DPP4: variants seen among roughly 807,000 people sequenced by gnomAD.
DPP4 encodes ADCP-2.
In DPP4, 93 loss-of-function variants were observed where a neutral mutation model predicts 122.4. The observed-to-expected ratio is 0.76, with a 90% confidence interval of 0.64 to 0.90. The LOEUF (loss-of-function observed/expected upper bound fraction) is 0.90, where lower values mean the gene tolerates loss of function less well. Ranked by LOEUF, DPP4 falls within the 40% of genes least tolerant of loss-of-function variation. The pLI, the probability that DPP4 is intolerant of heterozygous loss-of-function variation, is 0.00. For synonymous variants in DPP4, 321 were observed against 302.9 expected, an observed-to-expected ratio of 1.06 and a Z score of -0.62; for missense variants, 914 against 907.3, an observed-to-expected ratio of 1.01 and a Z score of -0.09.
rs575153392 is a variant in DPP4 at position 162,041,015 on chromosome 2, T to C, written c.367-1831A>G. Among the ~76,000 whole-genome samples, 8 of 152,176 alleles carry C rather than the reference T, an allele frequency of 5.3e-5. No homozygotes were observed. The East Asian group carries it at 7.7e-4, about 15-fold the overall frequency. ...GAGAAATGCAATTTACAAAAAACTA[T>C]AGGATTTTATTTTTATAGACCAAGC... On this transcript the variant is annotated intron_variant, in intron 5 of 25. Transcript: ENST00000360534.
chr2:162,073,545 G>A (rs1414382903), intron 1 of DPP4, 59 bp from the exon 2 acceptor site: 7 of 1,553,340 alleles, frequency 4.5e-6, no homozygotes, highest in Middle Eastern at 2.1e-4. Flanking sequence ...AGTTTCCGTA[G>A]GAGGGTCGGG....
intron 2 of DPP4, among the ~76,000 whole-genome samples, chr2:162,054,861 T>C (rs1684511680): frequency 1.3e-5 from 2 of 152,196 alleles, no homozygotes; most frequent in Admixed American, 6.5e-5. Context: ...ATGAGACTAA[T>C]AGCCCATGGG....
rs201175648 is a variant in DPP4 at position 162,017,142 on chromosome 2, G to A, written c.1434C>T (p.Pro478=). The change falls in exon 17 of 26, where the codon CCC becomes CCT. Residue 478 remains proline (P), a synonymous_variant. Coordinates refer to ENST00000360534, the MANE Select transcript of DPP4 (RefSeq NM_001935.4). ...TCACGCTGCTGTGTAGAGTATAGAG[G>A]GGCAGACCAGGACCTGTTAACACAA... ...YQLRCSGPGL[P]LYTLHSSVND... 13 of 1,611,930 alleles carry A rather than the reference G, an allele frequency of 8.1e-6. No homozygotes were observed. Among genetic ancestry groups the A allele is most frequent in the African/African-American group, 1.3e-5 (1 of 74,836 alleles).
intron 13 of DPP4, 42 bp downstream of exon 13, chr2:162,020,539 A>C: frequency 2.0e-6 from 3 of 1,509,972 alleles, no homozygotes; most frequent in Non-Finnish European, 2.7e-6. Flanking sequence ...TCCAAAAAAA[A>C]AAAAGAGGTC....
chr2:162,060,911 C>A (rs371755449), intron 2 of DPP4, among the ~76,000 whole-genome samples: 1 of 146,072 alleles, frequency 6.8e-6, no homozygotes, highest in Non-Finnish European at 1.5e-5. Context: ...CTCCCTCCCT[C>A]CCTCCCTAGC....
At chr2:162,015,157 T>C (rs1415977890) in intron 18 of DPP4, among the ~76,000 whole-genome samples, 1 of 152,194 alleles carries the variant, frequency 6.6e-6, no homozygotes, top group Non-Finnish European at 1.5e-5. Context: ...AATAGATCTA[T>C]AAAAAAGTGT....
chr2:162,071,885 A>G (rs1048058217), intron 2 of DPP4, among the ~76,000 whole-genome samples: 3 of 152,226 alleles, frequency 2.0e-5, no homozygotes, highest in Admixed American at 1.3e-4. Context: ...GTGGCTTATC[A>G]AAGTACAGTA....
chr2:162,048,302 C>T (rs745467026), intron 2 of DPP4, among the ~76,000 whole-genome samples: 13 of 151,912 alleles, frequency 8.6e-5, no homozygotes, highest in Non-Finnish European at 1.9e-4. Flanking sequence ...TCTAATTGAC[C>T]CTCTTGATTA....
chr2:162,057,316 A>C (rs1223090714), intron 2 of DPP4, among the ~76,000 whole-genome samples: 1 of 152,228 alleles, frequency 6.6e-6, no homozygotes, highest in Non-Finnish European at 1.5e-5. Flanking sequence ...CACTTCCGTA[A>C]GCCTGAGCCA....
rs139316454 is a variant in DPP4, at chr2:162,009,197, T to C, written c.1887+44A>G. 8 of 1,584,446 alleles carry C rather than the reference T, an allele frequency of 5.0e-6. No homozygotes were observed. In the East Asian group the frequency reaches 6.7e-5, roughly 13 times the overall value. ...AGATAAAGTAACCTGCTCTGAGTGA[T>C]ATTCACTAACGAATGCATACAGATT... On this transcript the variant is annotated intron_variant, in intron 21 of 25. Coordinates refer to ENST00000360534, the MANE Select transcript of DPP4 (RefSeq NM_001935.4).
At chr2:162,027,694 T>C (rs528051649) in intron 10 of DPP4, among the ~76,000 whole-genome samples, 26 of 152,334 alleles carry the variant, frequency 1.7e-4, no homozygotes, top group Admixed American at 9.2e-4. Flanking sequence ...GATCACCCAG[T>C]ACTAAATAGC....
chr2:162,063,300 T>A (rs1031799002), intron 2 of DPP4, among the ~76,000 whole-genome samples: 1 of 152,152 alleles, frequency 6.6e-6, no homozygotes, highest in Non-Finnish European at 1.5e-5. Context: ...AATGGAGATG[T>A]CCAGTAAGCA....
At chr2:162,069,948 T>C (rs1379467077) in intron 2 of DPP4, among the ~76,000 whole-genome samples, 1 of 152,120 alleles carries the variant, frequency 6.6e-6, no homozygotes, top group African/African-American at 2.4e-5. Context: ...CATAATAAAA[T>C]TCAATAATAA....
chr2:162,016,890 G>A, intron 17 of DPP4, 24 bp from the exon 18 acceptor site: 4 of 1,586,736 alleles, frequency 2.5e-6, no homozygotes. Context: ...GGAGACAGCA[G>A]TCATTCATTA....
At chr2:162,043,623 T>G (rs1417313107) in intron 5 of DPP4, among the ~76,000 whole-genome samples, 1 of 152,216 alleles carries the variant, frequency 6.6e-6, no homozygotes, top group African/African-American at 2.4e-5. Context: ...TGAGCTGGTA[T>G]TACCTTTCTG....
intron 10 of DPP4, among the ~76,000 whole-genome samples, chr2:162,031,242 G>A (rs1371141022): frequency 6.6e-6 from 1 of 152,178 alleles, no homozygotes; most frequent in Non-Finnish European, 1.5e-5. Context: ...CCTCACAGCG[G>A]TGTTGTGACT....
At chr2:162,018,206 C>T (rs1424007552) in intron 16 of DPP4, among the ~76,000 whole-genome samples, 1 of 152,138 alleles carries the variant, frequency 6.6e-6, no homozygotes, top group African/African-American at 2.4e-5. Flanking sequence ...TGAGAAGTAA[C>T]CTGGCACACT....
At chr2:162,034,317 G>A (rs1244328114) in intron 9 of DPP4, among the ~76,000 whole-genome samples, 1 of 151,882 alleles carries the variant, frequency 6.6e-6, no homozygotes, top group Non-Finnish European at 1.5e-5. Flanking sequence ...TTTTTTGTAT[G>A]TGCCAGTTTC....
At chr2:162,038,443 C>G in intron 7 of DPP4, 21 bp from the exon 8 acceptor site, 1 of 1,589,252 alleles carries the variant, frequency 6.3e-7, no homozygotes, top group South Asian at 1.2e-5. Flanking sequence ...AAAAAACAAG[C>G]ATTGATATCT....
Sources: allele counts gnomAD v4.1 joint callset (sites outside exome capture counted in the v4.1 genomes callset), GRCh38; gene constraint gnomAD v4.1.1; transcripts MANE v1.5; gene names NCBI Gene and HGNC (gene_info 2026-07-23, HGNC 2026-07-21).